The following HDAC8 variants were observed in gnomAD, a reference collection of about 807,000 sequenced individuals.
HDAC8 encodes the protein histone deacetylase 8.
In HDAC8, 1 loss-of-function variant was observed where a neutral mutation model predicts 32.2. The ratio of observed to expected loss-of-function variants is 0.03; its 90% confidence interval spans 0.01 to 0.15. The LOEUF is 0.15. Among genes scored for constraint, HDAC8 ranks in the 10% least tolerant of loss-of-function variants. HDAC8 has a pLI of 1.00. For synonymous variants in HDAC8, 108 were observed against 113.9 expected (o/e 0.95, Z 0.33); for missense variants, 117 against 300.0 (o/e 0.39, Z 4.51).
At chrX:72,528,859 T>C (rs1464944936) in intron 4 of HDAC8, among the ~76,000 whole-genome samples, 1 of 112,303 alleles carries the variant, frequency 8.9e-6, no homozygotes, top group East Asian at 2.8e-4. Flanking sequence ...TCAACAACTG[T>C]TTGCTGAATT....
chrX:72,453,694 A>G (rs1299067994), intron 9 of HDAC8, among the ~76,000 whole-genome samples: 3 of 111,624 alleles, frequency 2.7e-5, no homozygotes, highest in African/African-American at 9.8e-5. Context: ...CACAGATCCT[A>G]GCTCAATGCA....
chrX:72,493,056 G>T (rs2017591445), intron 5 of HDAC8, among the ~76,000 whole-genome samples: 1 of 111,542 alleles, frequency 9.0e-6, no homozygotes, highest in African/African-American at 3.3e-5. Flanking sequence ...AGCTGGAGTG[G>T]TCAGGGCAAA....
intron 9 of HDAC8, among the ~76,000 whole-genome samples, chrX:72,447,990 G>T (rs1459661483): frequency 2.7e-5 from 3 of 112,116 alleles, no homozygotes; most frequent in African/African-American, 9.7e-5. Context: ...GATCAATATT[G>T]TGAAAATGGC....
At chrX:72,387,670 TA>T (rs1256262121) in intron 9 of HDAC8, among the ~76,000 whole-genome samples, 2 of 111,733 alleles carry the variant, frequency 1.8e-5, no homozygotes, top group Non-Finnish European at 3.8e-5. Context: ...AGGATACAGA[TA>T]AATAACGCAT....
Position 72,462,103 on chromosome X carries a change from C to G in HDAC8, c.911-5G>C, listed in dbSNP as rs782742802. ...TGTTGGCAAGGTTATAGCCTCCTGT[C>G]TCCATCAAGAATTGTGAAGTTAGGA... On this transcript the variant is annotated splice_region_variant and splice_polypyrimidine_tract_variant and intron_variant, in intron 8 of 10. Transcript: ENST00000373573. 1.7e-5 allele frequency: 20 copies of G among 1,182,315 alleles called. No individual in the cohort carries two copies. The highest frequency in any genetic ancestry group is 2.3e-5 in the Non-Finnish European group (20 of 871,520).
intron 9 of HDAC8, among the ~76,000 whole-genome samples, chrX:72,411,160 G>A (rs1477656321): frequency 9.1e-6 from 1 of 109,721 alleles, no homozygotes; most frequent in African/African-American, 3.3e-5. Flanking sequence ...CAAGTAGCTG[G>A]GACTACAGGC....
chrX:72,419,656 C>A (rs182660098), intron 9 of HDAC8, among the ~76,000 whole-genome samples: 1 of 111,454 alleles, frequency 9.0e-6, no homozygotes, highest in African/African-American at 3.3e-5. Context: ...CATAGAATAG[C>A]AGTGGTAAAA....
At chrX:72,446,470 G>A (rs1390089424) in intron 9 of HDAC8, among the ~76,000 whole-genome samples, 2 of 110,258 alleles carry the variant, frequency 1.8e-5, no homozygotes, top group African/African-American at 3.3e-5. Context: ...TCACTCATAG[G>A]TGGGAATTGA....
intron 7 of HDAC8, among the ~76,000 whole-genome samples, chrX:72,469,139 C>T (rs781916294): frequency 2.0e-4 from 17 of 85,974 alleles, no homozygotes; most frequent in Admixed American, 1.1e-3. Context: ...ACTGTAACTC[C>T]TATTCCCTAG....
At chrX:72,336,187 T>C (rs1294383436) in intron 10 of HDAC8, among the ~76,000 whole-genome samples, 3 of 112,118 alleles carry the variant, frequency 2.7e-5, no homozygotes, top group African/African-American at 9.7e-5. Flanking sequence ...TTAACAGCAT[T>C]TGGTGTTGTC....
intron 9 of HDAC8, among the ~76,000 whole-genome samples, chrX:72,455,250 C>T (rs1195857284): frequency 3.6e-5 from 4 of 111,864 alleles, no homozygotes; most frequent in Non-Finnish European, 7.5e-5. Flanking sequence ...CCAAAGTATA[C>T]CAGCAGTTAT....
chrX:72,373,222 C>T (rs782050151), intron 9 of HDAC8, among the ~76,000 whole-genome samples: 4 of 112,211 alleles, frequency 3.6e-5, no homozygotes, highest in Admixed American at 1.9e-4. Flanking sequence ...TCTGTCCCTC[C>T]GCCTTTTTTT....
intron 9 of HDAC8, among the ~76,000 whole-genome samples, chrX:72,439,960 T>C (rs2047074481): frequency 8.9e-6 from 1 of 111,973 alleles, no homozygotes; most frequent in African/African-American, 3.3e-5. Flanking sequence ...AACTCAACTC[T>C]GGACCAAGTG....
intron 9 of HDAC8, among the ~76,000 whole-genome samples, chrX:72,405,434 C>T (rs1391512371): frequency 3.6e-5 from 4 of 112,290 alleles, no homozygotes; most frequent in Non-Finnish European, 5.6e-5. Flanking sequence ...TGAATATACA[C>T]GTACATGTGT....
intron 9 of HDAC8, among the ~76,000 whole-genome samples, chrX:72,431,229 C>T (rs1052407119): frequency 5.4e-5 from 6 of 112,119 alleles, no homozygotes; most frequent in African/African-American, 9.7e-5. Context: ...CCTCCCGCAA[C>T]GTGCCTTCTC....
chrX:72,396,853 A>AACAACAACAACAAC lies in HDAC8; in HGVS notation c.1006-45016_1006-45015insGTTGTTGTTGTTGT, dbSNP rs782360153. ...TTATCTCAAATAACAACAACAACAAAAACAACAACAACAATAATGTACTGT... is the reference window on the plus strand; with the variant it reads ...TTATCTCAAATAACAACAACAACAAAACAACAACAACAACAACAACAACAACAATAATGTACTGT... On this transcript the variant is annotated intron_variant, in intron 9 of 10. Transcript: ENST00000373573. Among the ~76,000 whole-genome samples, 261 of 111,309 alleles carry AACAACAACAACAAC rather than the reference A, an allele frequency of 2.3e-3. 3 individuals are homozygous for AACAACAACAACAAC. Among genetic ancestry groups the AACAACAACAACAAC allele is most frequent in the African/African-American group, 8.1e-3 (245 of 30,366 alleles).
At chrX:72,486,962 A>G (rs1171688850) in intron 7 of HDAC8, among the ~76,000 whole-genome samples, 1 of 111,633 alleles carries the variant, frequency 9.0e-6, no homozygotes, top group Non-Finnish European at 1.9e-5. Context: ...ACCTCTAATG[A>G]AAACCTGGAA....
intron 4 of HDAC8, among the ~76,000 whole-genome samples, chrX:72,560,565 TAAAAA>T (rs147846647): frequency 2.8e-5 from 1 of 35,215 alleles, no homozygotes; most frequent in African/African-American, 1.1e-4. Flanking sequence ...CAATAAATAC[TAAAAA>T]AAAAAAAAAA....
intron 4 of HDAC8, among the ~76,000 whole-genome samples, chrX:72,504,220 T>C (rs782432649): frequency 8.9e-6 from 1 of 111,996 alleles, no homozygotes; most frequent in East Asian, 2.8e-4. Context: ...TACAATTTAG[T>C]GGCATTTAGT....
Sources: gnomAD v4.1 joint callset for allele counts (sites outside exome capture counted in the v4.1 genomes callset) on GRCh38, gnomAD v4.1.1 for gene constraint, MANE v1.5 for transcripts, NCBI Gene and HGNC (gene_info 2026-07-23, HGNC 2026-07-21) for gene names.